The following UTF1 variants were observed in gnomAD, a reference collection of about 807,000 sequenced individuals.
The protein encoded by UTF1 is undifferentiated embryonic cell transcription factor 1.
Under a neutral mutation model 11.8 loss-of-function variants are expected in UTF1, and 8 were observed. The ratio of observed to expected loss-of-function variants is 0.68; its 90% CI spans 0.40 to 1.23. The LOEUF is 1.23. Ranked by LOEUF, UTF1 falls within the 50% of genes most tolerant of loss-of-function variation. The probability of loss-of-function intolerance (pLI) is 0.01; values close to 1 mark genes in which losing one functional copy is unlikely to be tolerated. For synonymous variants in UTF1, 344 were observed against 271.7 expected (o/e 1.27, Z -2.62); for missense variants, 545 against 542.1 (o/e 1.01, Z -0.05).
At position 133,231,504 on chromosome 10, in the gene UTF1, C is replaced by T; in HGVS notation, c.*62C>T. The T allele has an allele frequency of 1.6e-6, 2 of 1,271,992 alleles. No individual in the cohort carries two copies. The highest frequency in any genetic ancestry group is 2.1e-6 in the Non-Finnish European group (2 of 968,094). 78.8% of individuals were successfully genotyped at this position (1,271,992 alleles called of 1,614,324 possible). The stretch of plus-strand genomic sequence containing the variant: ...GGCCCCTCCGCCCTGACCCCTCCTG[C>T]TGCCTTCCCACCCCCGTTCTTGGGT... On this transcript the variant is annotated 3_prime_UTR_variant, in exon 2 of 2. Coordinates refer to ENST00000304477, the MANE Select transcript of UTF1 (RefSeq NM_003577.3).
rs1463609071 is a variant in UTF1, at chr10:133,231,223, G to C, written c.807G>C (p.Pro269=). The change falls in exon 2 of 2, where the codon CCG becomes CCC. Residue 269 remains proline (P), a synonymous_variant. Coordinates refer to ENST00000304477, the MANE Select transcript of UTF1 (RefSeq NM_003577.3). ...PGRPEDCAPP[P]AAPPSLNTAL... ...GCCCCGAGGACTGCGCGCCCCCTCCGGCCGCGCCCCCGTCGCTGAACACCG... is the reference window on the plus strand; with the variant it reads ...GCCCCGAGGACTGCGCGCCCCCTCCCGCCGCGCCCCCGTCGCTGAACACCG... 2 of 1,526,050 alleles carry C rather than the reference G, an allele frequency of 1.3e-6. No individual in the cohort carries two copies. The highest frequency in any genetic ancestry group is 2.0e-5 in the Admixed American group (1 of 49,748). 94.5% of individuals were successfully genotyped at this position (1,526,050 alleles called of 1,614,324 possible).
At position 133,231,014 on chromosome 10, in the gene UTF1, T is replaced by G; in HGVS notation, c.598T>G (p.Trp200Gly). 7.5e-7 allele frequency: 1 copy of G among 1,336,252 alleles called. No individual in the cohort carries two copies. The highest frequency in any genetic ancestry group is 9.5e-7 in the Non-Finnish European group (1 of 1,047,710). 82.8% of individuals were successfully genotyped at this position (1,336,252 alleles called of 1,614,324 possible). The change falls in exon 2 of 2, where the codon TGG becomes GGG. Residue 200 changes from tryptophan (W) to glycine (G), a missense_variant. By Grantham distance (184) the Trp-to-Gly change is radical. Around this residue, in one of 3 missense-constraint regions of UTF1, gnomAD observed 394 missense variants for 341.5 expected, o/e 1.15. Transcript: ENST00000304477. ...TARDRDADPT[W>G]TLRFSPSPPK... ...CCGCGACCGCGACGCGGACCCCACC[T>G]GGACGCTCCGCTTCAGCCCGTCCCC...
Position 133,231,336 on chromosome 10 carries a change from T to C in UTF1, c.920T>C (p.Val307Ala), listed in dbSNP as rs1308968658. ...CAGCTGCTGACCTTGAACCAGCACG[T>C]GGAGCAGCTGCGCGGCGCCTTCGAC... ...RDQLLTLNQH[V>A]EQLRGAFDQT... The change falls in exon 2 of 2, where the codon GTG (valine) becomes GCG (alanine). Residue 307 changes from valine to alanine, a missense_variant. Physicochemically the swap from Val to Ala is moderately conservative, Grantham distance 64. Around this residue, in one of 3 missense-constraint regions of UTF1, gnomAD observed 394 missense variants for 341.5 expected, o/e 1.15. Coordinates refer to ENST00000304477, the MANE Select transcript of UTF1 (RefSeq NM_003577.3). The C allele has an allele frequency of 1.3e-6, 2 of 1,598,622 alleles. No homozygotes were observed. The highest frequency in any genetic ancestry group is 1.7e-4 in the Middle Eastern group (1 of 6,028).
chr10:133,231,540 A>C lies in UTF1; in HGVS notation c.*98A>C. The C allele has an allele frequency of 2.9e-6, 3 of 1,034,286 alleles. No homozygotes were observed. The highest frequency in any genetic ancestry group is 4.0e-6 in the Non-Finnish European group (3 of 752,650). The allele number at this position is 1,034,286 out of a possible 1,614,324, so 64.1% of individuals were successfully genotyped here. On this transcript the variant is annotated 3_prime_UTR_variant, in exon 2 of 2. Coordinates refer to ENST00000304477, the MANE Select transcript of UTF1 (RefSeq NM_003577.3). ...CCCCCGTTCTTGGGTATGTTCAATA[A>C]AAGGATTGTTTTCCTAGAGTCCGGG...
In UTF1 at chr10:133,231,018, C is replaced by A; in HGVS notation, c.602C>A (p.Thr201Lys). The change falls in exon 2 of 2, where the codon ACG becomes AAG. Residue 201 changes from threonine to lysine, a missense_variant. Thr to Lys is a moderately conservative substitution (Grantham distance 78). Transcript: ENST00000304477. Reference protein sequence around the residue: ...ARDRDADPTWTLRFSPSPPKS... With the variant: ...ARDRDADPTWKLRFSPSPPKS... ...GACCGCGACGCGGACCCCACCTGGA[C>A]GCTCCGCTTCAGCCCGTCCCCACCG... is the stretch of plus-strand genomic sequence containing the variant. 1.5e-6 allele frequency: 2 copies of A among 1,334,988 alleles called. No individual in the cohort carries two copies. Among genetic ancestry groups the A allele is most frequent in the Non-Finnish European group, 9.6e-7 (1 of 1,046,860 alleles). 82.7% of individuals were successfully genotyped at this position (1,334,988 alleles called of 1,614,324 possible). A position where few individuals can be genotyped will look rare whatever the true frequency, so the allele number is the denominator to read the frequency against.
Position 133,230,254 on chromosome 10 carries a change from C to T in UTF1, c.-35C>T, listed in dbSNP as rs534945985. The T allele has an allele frequency of 2.7e-3, 2,806 of 1,040,568 alleles. 11 individuals are homozygous for T. Among genetic ancestry groups the T allele is most frequent in the Non-Finnish European group, 2.5e-3 (2,200 of 867,860 alleles). The allele number at this position is 1,040,568 out of a possible 1,614,324, so 64.5% of individuals were successfully genotyped here. On this transcript the variant is annotated 5_prime_UTR_variant, in exon 1 of 2. Transcript: ENST00000304477. ...GGCGGCCCGGGCGGCGTCTGGCCCTCTCCCCATCCTCGCGCGCCGCGCCCC... is the reference window on the plus strand; with the variant it reads ...GGCGGCCCGGGCGGCGTCTGGCCCTTTCCCCATCCTCGCGCGCCGCGCCCC...
chr10:133,231,351 G>A lies in UTF1; in HGVS notation c.935G>A (p.Gly312Asp), dbSNP rs768266476. The A allele has an allele frequency of 1.3e-5, 21 of 1,597,078 alleles. No individual in the cohort carries two copies. Among genetic ancestry groups the A allele is most frequent in the Non-Finnish European group, 1.8e-5 (21 of 1,176,120 alleles). The change falls in exon 2 of 2, where the codon GGC becomes GAC. Residue 312 changes from glycine to aspartate, a missense_variant. Physicochemically the swap from Gly to Asp is moderately conservative, Grantham distance 94. Coordinates refer to ENST00000304477, the MANE Select transcript of UTF1 (RefSeq NM_003577.3). ...TLNQHVEQLR[G>D]AFDQTVSLAV... is the part of the protein sequence containing the mutation. ...AACCAGCACGTGGAGCAGCTGCGCG[G>A]CGCCTTCGACCAGACAGTGTCCCTG... is the stretch of plus-strand genomic sequence containing the variant.
At position 133,230,261 on chromosome 10, in the gene UTF1, T is replaced by A. The variant is rs1281072538; in HGVS notation, c.-28T>A. On this transcript the variant is annotated 5_prime_UTR_variant, in exon 1 of 2. Transcript: ENST00000304477. Reference sequence around the variant, plus strand: ...CGGGCGGCGTCTGGCCCTCTCCCCATCCTCGCGCGCCGCGCCCCAGCCCCG... The same window carrying A: ...CGGGCGGCGTCTGGCCCTCTCCCCAACCTCGCGCGCCGCGCCCCAGCCCCG... 4 of 1,038,896 alleles carry A rather than the reference T, an allele frequency of 3.9e-6. No homozygotes were observed. In the Admixed American group the frequency reaches 1.7e-4, roughly 43 times the overall value. The allele number at this position is 1,038,896 out of a possible 1,614,324, so 64.4% of individuals were successfully genotyped here.
Position 133,230,444 on chromosome 10 carries a change from G to C in UTF1, c.156G>C (p.Pro52=), listed in dbSNP as rs1845782215. Residue 52 remains proline, a synonymous_variant, in exon 1 of 2, where the codon CCG becomes CCC. Transcript: ENST00000304477. ...SPSALGELGL[P]VSPGSAQRTP... is the part of the protein sequence containing the mutation. ...GCGCGCTGGGGGAACTCGGGTTGCC[G>C]GTGTCCCCGGGCTCGGCGCAGCGCA... 2 of 1,396,456 alleles carry C rather than the reference G, an allele frequency of 1.4e-6. No individual in the cohort carries two copies. Among genetic ancestry groups the C allele is most frequent in the East Asian group, 3.2e-5 (1 of 30,832 alleles). 86.5% of individuals were successfully genotyped at this position (1,396,456 alleles called of 1,614,324 possible).
At position 133,231,450 on chromosome 10, in the gene UTF1, C is replaced by T; in HGVS notation, c.*8C>T. On this transcript the variant is annotated 3_prime_UTR_variant, in exon 2 of 2. Coordinates refer to ENST00000304477, the MANE Select transcript of UTF1 (RefSeq NM_003577.3). ...AGGGACCCGTGCCAGTGAGTCCCGGCTGCGGCCAGTCTCCCCTCTCCAGGC... is the reference window on the plus strand; with the variant it reads ...AGGGACCCGTGCCAGTGAGTCCCGGTTGCGGCCAGTCTCCCCTCTCCAGGC... 4 of 1,454,086 alleles carry T rather than the reference C, an allele frequency of 2.8e-6. No individual in the cohort carries two copies. The highest frequency in any genetic ancestry group is 3.6e-6 in the Non-Finnish European group (4 of 1,105,274). 90.1% of individuals were successfully genotyped at this position (1,454,086 alleles called of 1,614,324 possible). A position where few individuals can be genotyped will look rare whatever the true frequency, so the allele number is the denominator to read the frequency against.
Position 133,230,450 on chromosome 10 carries a change from C to G in UTF1, c.162C>G (p.Ser54=), listed in dbSNP as rs1845782307. Residue 54 remains serine (S), a synonymous_variant, in exon 1 of 2, where the codon TCC becomes TCG. Transcript: ENST00000304477. ...TGGGGGAACTCGGGTTGCCGGTGTC[C>G]CCGGGCTCGGCGCAGCGCACGCCCT... The part of the protein sequence containing the change: ...SALGELGLPV[S]PGSAQRTPWS... 18 of 1,404,540 alleles carry G rather than the reference C, an allele frequency of 1.3e-5. No homozygotes were observed. Among genetic ancestry groups the G allele is most frequent in the Non-Finnish European group, 1.6e-5 (17 of 1,078,224 alleles). The allele number at this position is 1,404,540 out of a possible 1,614,324, so 87.0% of individuals were successfully genotyped here. A position where few individuals can be genotyped will look rare whatever the true frequency, so the allele number is the denominator to read the frequency against.
rs1317289228 is a variant in UTF1 at position 133,231,489 on chromosome 10, C to T, written c.*47C>T. 31 of 1,345,056 alleles carry T rather than the reference C, an allele frequency of 2.3e-5. No homozygotes were observed. Among genetic ancestry groups the T allele is most frequent in the Non-Finnish European group, 2.9e-5 (30 of 1,031,806 alleles). 83.3% of individuals were successfully genotyped at this position (1,345,056 alleles called of 1,614,324 possible). A position where few individuals can be genotyped will look rare whatever the true frequency, so the allele number is the denominator to read the frequency against. ...CCCTCTCCAGGCCGAGGCCCCTCCG[C>T]CCTGACCCCTCCTGCTGCCTTCCCA... On this transcript the variant is annotated 3_prime_UTR_variant, in exon 2 of 2. Transcript: ENST00000304477.
rs1056507178 is a variant in UTF1 at position 133,231,125 on chromosome 10, C to G, written c.709C>G (p.Arg237Gly). ...CCTCGCCACCTGCATCCCCGAGGAC[C>G]GCGCGCCCGTCCGCGGCCCCGGGTC... ...TALATCIPED[R>G]APVRGPGSPP... The change falls in exon 2 of 2, where the codon CGC (arginine) becomes GGC (glycine). Residue 237 changes from arginine (R) to glycine (G), a missense_variant. Transcript: ENST00000304477. The G allele has an allele frequency of 1.3e-5, 16 of 1,234,434 alleles. No individual in the cohort carries two copies. Among genetic ancestry groups the G allele is most frequent in the African/African-American group, 1.6e-5 (1 of 63,060 alleles). 76.5% of individuals were successfully genotyped at this position (1,234,434 alleles called of 1,614,324 possible).
Position 133,231,481 on chromosome 10 carries a change from C to T in UTF1, c.*39C>T, listed in dbSNP as rs1174150402. 1.1e-5 allele frequency: 15 copies of T among 1,380,008 alleles called. No homozygotes were observed. The South Asian group carries it at 1.2e-4, about 11-fold the overall frequency. The allele number at this position is 1,380,008 out of a possible 1,614,324, so 85.5% of individuals were successfully genotyped here. A position where few individuals can be genotyped will look rare whatever the true frequency, so the allele number is the denominator to read the frequency against. On this transcript the variant is annotated 3_prime_UTR_variant, in exon 2 of 2. Transcript: ENST00000304477. ...CCAGTCTCCCCTCTCCAGGCCGAGG[C>T]CCCTCCGCCCTGACCCCTCCTGCTG...
chr10:133,230,838 G>A lies in UTF1; in HGVS notation c.550G>A (p.Asp184Asn). 7.7e-7 allele frequency: 1 copy of A among 1,300,306 alleles called. No individual in the cohort carries two copies. The highest frequency in any genetic ancestry group is 2.4e-5 in the South Asian group (1 of 41,996). 80.5% of individuals were successfully genotyped at this position (1,300,306 alleles called of 1,614,324 possible). ...NAHAPAPSEP[D>N]ATPLPTARDR... is the part of the protein sequence containing the mutation. ...GCACGCGCCGGCTCCCAGCGAACCAGGTAGGCGGGGGACTGGGGGGCCAGG... is the reference window on the plus strand; with the variant it reads ...GCACGCGCCGGCTCCCAGCGAACCAAGTAGGCGGGGGACTGGGGGGCCAGG... The change falls in exon 1 of 2, where the codon GAC (aspartate) becomes AAC (asparagine). Residue 184 changes from aspartate to asparagine, a missense_variant and splice_region_variant. By Grantham distance (23) the Asp-to-Asn change is conservative (BLOSUM62 1). Coordinates refer to ENST00000304477, the MANE Select transcript of UTF1 (RefSeq NM_003577.3).
At position 133,231,382 on chromosome 10, in the gene UTF1, G is replaced by A. The variant is rs1845798171; in HGVS notation, c.966G>A (p.Val322=). The A allele has an allele frequency of 6.3e-7, 1 of 1,590,564 alleles. No homozygotes were observed. Among genetic ancestry groups the A allele is most frequent in the Non-Finnish European group, 8.5e-7 (1 of 1,173,008 alleles). Reference sequence around the variant, plus strand: ...TCGACCAGACAGTGTCCCTGGCCGTGGGCTTCATTCTGGGCAGCGCGGCCG... The same window carrying A: ...TCGACCAGACAGTGTCCCTGGCCGTAGGCTTCATTCTGGGCAGCGCGGCCG... The part of the protein sequence containing the change: ...GAFDQTVSLA[V]GFILGSAAAE... Residue 322 remains valine, a synonymous_variant, in exon 2 of 2, where the codon GTG becomes GTA. Transcript: ENST00000304477.
In UTF1 at chr10:133,231,258, A is replaced by G. The variant is rs757161685; in HGVS notation, c.842A>G (p.Gln281Arg). ...APPSLNTALL[Q>R]TLGHLGDIAN... ...CCGTCGCTGAACACCGCCCTGCTGCAGACCCTGGGGCACCTGGGCGACATC... is the reference window on the plus strand; with the variant it reads ...CCGTCGCTGAACACCGCCCTGCTGCGGACCCTGGGGCACCTGGGCGACATC... The change falls in exon 2 of 2, where the codon CAG (glutamine) becomes CGG (arginine). Residue 281 changes from glutamine to arginine, a missense_variant. Physicochemically the swap from Gln to Arg is conservative, Grantham distance 43. Transcript: ENST00000304477. 3.8e-6 allele frequency: 6 copies of G among 1,577,632 alleles called. No homozygotes were observed. In the Admixed American group the frequency reaches 5.4e-5, roughly 14 times the overall value.
In UTF1 at chr10:133,230,522, G is replaced by A. The variant is rs757587763; in HGVS notation, c.234G>A (p.Pro78=). ...TELLLGTLLQ[P]AVWRALLLDR... ...TGCTGCTGGGGACGCTGCTGCAACC[G>A]GCCGTGTGGCGCGCGCTGCTCCTGG... The change falls in exon 1 of 2, where the codon CCG becomes CCA. Residue 78 remains proline (P), a synonymous_variant. Transcript: ENST00000304477. The A allele has an allele frequency of 4.9e-6, 7 of 1,442,492 alleles. No homozygotes were observed. Among genetic ancestry groups the A allele is most frequent in the Non-Finnish European group, 6.4e-6 (7 of 1,100,356 alleles). The allele number at this position is 1,442,492 out of a possible 1,614,324, so 89.4% of individuals were successfully genotyped here.
chr10:133,231,524 T>C lies in UTF1; in HGVS notation c.*82T>C. On this transcript the variant is annotated 3_prime_UTR_variant, in exon 2 of 2. Coordinates refer to ENST00000304477, the MANE Select transcript of UTF1 (RefSeq NM_003577.3). ...TCCTGCTGCCTTCCCACCCCCGTTC[T>C]TGGGTATGTTCAATAAAAGGATTGT... is the stretch of plus-strand genomic sequence containing the variant. The C allele has an allele frequency of 8.8e-7, 1 of 1,130,182 alleles. No homozygotes were observed. The highest frequency in any genetic ancestry group is 1.2e-6 in the Non-Finnish European group (1 of 841,150). 70.0% of individuals were successfully genotyped at this position (1,130,182 alleles called of 1,614,324 possible).
Sources: gnomAD v4.1 joint callset for allele counts on GRCh38, gnomAD v4.1.1 for gene constraint, gnomAD v4.1.1 regional missense constraint, MANE v1.5 for transcripts, NCBI Gene and HGNC (gene_info 2026-07-23, HGNC 2026-07-21) for gene names.